Variants in ZAN observed in about 807,000 individuals in gnomAD.
ZAN encodes zonadhesin (gene/pseudogene).
In ZAN, 260 loss-of-function variants were observed where a neutral mutation model predicts 286.2. The ratio of observed to expected loss-of-function variants is 0.91; its 90% CI spans 0.82 to 1.01. The LOEUF is 1.01. ZAN is among the 50% of genes least tolerant of loss of function. The pLI, the probability that ZAN is intolerant of heterozygous loss-of-function variation, is 0.00. For synonymous variants in ZAN, 1,368 were observed against 1,417.5 expected (o/e 0.97, Z 0.79); for missense variants, 3,410 against 3,639.2 (o/e 0.94, Z 1.62).
At position 100,773,822 on chromosome 7, in the gene ZAN, G is replaced by C; in HGVS notation, c.5736G>C (p.Gln1912His). 1 of 1,607,844 alleles carries C rather than the reference G, an allele frequency of 6.2e-7. No homozygotes were observed. Residue 1912 changes from glutamine (Q) to histidine (H), a missense_variant, in exon 31 of 48, where the codon CAG becomes CAC. By Grantham distance (24) the Gln-to-His change is conservative (BLOSUM62 0). Coordinates refer to ENST00000613979, the MANE Select transcript of ZAN (RefSeq NM_003386.3). ...TCFQSTCKPNQICWALDGLLH... is the reference protein window; with the variant it reads ...TCFQSTCKPNHICWALDGLLH... Reference sequence around the variant, plus strand: ...TCCAGAGCACCTGCAAACCCAACCAGATATGCTGGGCCCTGGATGGGCTGC... The same window carrying C: ...TCCAGAGCACCTGCAAACCCAACCACATATGCTGGGCCCTGGATGGGCTGC...
At chr7:100,772,742 A>G (rs1810459121) in intron 29 of ZAN, among the ~76,000 whole-genome samples, 1 of 151,566 alleles carries the variant, frequency 6.6e-6, no homozygotes, top group Non-Finnish European at 1.5e-5. Flanking sequence ...AATGGCGTGA[A>G]TCTGGGAGGT....
In ZAN at chr7:100,765,533, C is replaced by G. The variant is rs1278931239; in HGVS notation, c.4449C>G (p.His1483Gln). Residue 1483 changes from histidine to glutamine, a missense_variant, in exon 23 of 48, where the codon CAC becomes CAG. Coordinates refer to ENST00000613979, the MANE Select transcript of ZAN (RefSeq NM_003386.3). ...CIPRSQCGCL[H>Q]PAGSYFKVGE... ...CTCGCTCCCAGTGTGGGTGCCTCCA[C>G]CCTGCAGGCAGCTACTTCAAGGTGA... 6.2e-7 allele frequency: 1 copy of G among 1,607,170 alleles called. No homozygotes were observed. Among genetic ancestry groups the G allele is most frequent in the African/African-American group, 1.3e-5 (1 of 74,780 alleles).
Position 100,750,773 on chromosome 7 carries a change from A to ACTC in ZAN, c.1404_1406dup (p.Leu469dup). The ACTC allele has an allele frequency of 6.2e-7, 1 of 1,612,886 alleles. No homozygotes were observed. The highest frequency in any genetic ancestry group is 8.5e-7 in the Non-Finnish European group (1 of 1,179,384). On this transcript the variant is annotated inframe_insertion, in exon 12 of 48. Transcript: ENST00000613979. Reference sequence around the variant, plus strand: ...GCCTTGGGGAGGGTACTATGCTCGAACTCCTCCTGGGAAGTCCTGCGGGGA... The same window carrying ACTC: ...GCCTTGGGGAGGGTACTATGCTCGAACTCCTCCTCCTGGGAAGTCCTGCGGGGA...
Position 100,751,800 on chromosome 7 carries a change from C to T in ZAN, c.1695C>T (p.Ile565=). ...ETTGLTENPT[I]STKKPTVSIE... ...CTGGCCTCACAGAAAACCCTACAAT[C>T]TCCACCAAGAAACCTACAGTTTCCA... Residue 565 remains isoleucine, a synonymous_variant, in exon 14 of 48, where the codon ATC becomes ATT. Coordinates refer to ENST00000613979, the MANE Select transcript of ZAN (RefSeq NM_003386.3). 1.2e-6 allele frequency: 2 copies of T among 1,613,452 alleles called. No individual in the cohort carries two copies. The highest frequency in any genetic ancestry group is 1.1e-5 in the South Asian group (1 of 91,014).
chr7:100,773,680 T>A (rs1312401702), intron 30 of ZAN, 41 bp from the exon 31 acceptor site: 1 of 1,590,310 alleles, frequency 6.3e-7, no homozygotes, highest in Non-Finnish European at 8.6e-7. Context: ...ATCTCCCAAT[T>A]CCAACTTTCT....
chr7:100,741,121 T>C (rs1584547290), intron 7 of ZAN, among the ~76,000 whole-genome samples: 2 of 54,460 alleles, frequency 3.7e-5, no homozygotes, highest in Admixed American at 1.6e-4. Flanking sequence ...CCCCCCCACC[T>C]CCCTCCCGGA....
rs10224168 is a variant in ZAN, at chr7:100,766,751, C to T, written c.4612+85C>T. On this transcript the variant is annotated intron_variant, in intron 24 of 47. Transcript: ENST00000613979. ...TGGGTCCTGCCCAAAGCAGCTTCCCCAGACAGCTGAGTCTCCACCAGGGCC... is the reference window on the plus strand; with the variant it reads ...TGGGTCCTGCCCAAAGCAGCTTCCCTAGACAGCTGAGTCTCCACCAGGGCC... The T allele has an allele frequency of 5.1e-3, 7,531 of 1,486,494 alleles. 323 individuals are homozygous for T. The African/African-American group carries it at 0.092, about 18-fold the overall frequency. 92.1% of individuals were successfully genotyped at this position (1,486,494 alleles called of 1,614,324 possible). A position where few individuals can be genotyped will look rare whatever the true frequency, so the allele number is the denominator to read the frequency against.
At position 100,766,379 on chromosome 7, in the gene ZAN, T is replaced by C; in HGVS notation, c.4471-146T>C. The C allele has an allele frequency of 3.8e-6, 4 of 1,053,646 alleles. No individual in the cohort carries two copies. In the Admixed American group the frequency reaches 1.2e-4, roughly 32 times the overall value. 65.3% of individuals were successfully genotyped at this position (1,053,646 alleles called of 1,614,324 possible). ...ATGGATGCCAAGCTTTTGCAGCGAATCTCGGAGCTTCAGGAAGAGAGGATG... is the reference window on the plus strand; with the variant it reads ...ATGGATGCCAAGCTTTTGCAGCGAACCTCGGAGCTTCAGGAAGAGAGGATG... On this transcript the variant is annotated intron_variant, in intron 23 of 47. Coordinates refer to ENST00000613979, the MANE Select transcript of ZAN (RefSeq NM_003386.3).
Position 100,784,833 on chromosome 7 carries a change from C to A in ZAN, c.6833C>A (p.Pro2278His). The change falls in exon 36 of 48, where the codon CCT becomes CAT. Residue 2278 changes from proline to histidine, a missense_variant and splice_region_variant. Around this residue, in one of 7 missense-constraint regions of ZAN, gnomAD observed 1,289 missense variants for 1,314.3 expected, o/e 0.98. Coordinates refer to ENST00000613979, the MANE Select transcript of ZAN (RefSeq NM_003386.3). ...AAGGATGCCCATGGTGGCTCCATCC[C>A]TGTGAGTGGGCATGGGAAATGGGAC... Reference protein sequence around the residue: ...GCKDAHGGSIPLGKSWVSSGC... With the variant: ...GCKDAHGGSIHLGKSWVSSGC... 6.3e-7 allele frequency: 1 copy of A among 1,588,594 alleles called. No individual in the cohort carries two copies. The highest frequency in any genetic ancestry group is 8.6e-7 in the Non-Finnish European group (1 of 1,164,798).
In ZAN at chr7:100,752,218, A is replaced by G; in HGVS notation, c.2113A>G (p.Ile705Val). ...KPTISMEETI[I>V]STEKPTISPE... ...CACCATCTCCATGGAAGAGACTATC[A>G]TCTCCACAGAAAAACCCACCATCTC... The change falls in exon 14 of 48, where the codon ATC becomes GTC. Residue 705 changes from isoleucine (I) to valine (V), a missense_variant. By Grantham distance (29) the Ile-to-Val change is conservative (BLOSUM62 3). Coordinates refer to ENST00000613979, the MANE Select transcript of ZAN (RefSeq NM_003386.3). The G allele has an allele frequency of 1.9e-6, 3 of 1,611,374 alleles. No individual in the cohort carries two copies. The highest frequency in any genetic ancestry group is 2.5e-6 in the Non-Finnish European group (3 of 1,179,368).
rs370536555 is a variant in ZAN, at chr7:100,788,097, C to T, written c.7188C>T (p.Tyr2396=). 1.2e-5 allele frequency: 19 copies of T among 1,562,490 alleles called. No homozygotes were observed. Among genetic ancestry groups the T allele is most frequent in the South Asian group, 9.6e-5 (8 of 83,658 alleles). Residue 2396 remains tyrosine (Y), a synonymous_variant, in exon 38 of 48, where the codon TAC becomes TAT. Transcript: ENST00000613979. ...TGCAGGAAGTGATTACCACCGTCTA[C>T]GGCTATAAAGTGCAGCTCCAAGCTG... ...IFLQEVITTV[Y]GYKVQLQAGL...
rs377057276 is a variant in ZAN, at chr7:100,765,560, C to T, written c.4470+6C>T. 1.2e-5 allele frequency: 19 copies of T among 1,592,504 alleles called. No homozygotes were observed. The highest frequency in any genetic ancestry group is 8.1e-5 in the African/African-American group (6 of 74,402). On this transcript the variant is annotated splice_donor_region_variant and intron_variant, in intron 23 of 47. Transcript: ENST00000613979. ...CTGCAGGCAGCTACTTCAAGGTGAG[C>T]GGCTGCGTGGACCTCTCAGCCCTGC... is the stretch of plus-strand genomic sequence containing the variant.
chr7:100,746,822 A>G (rs1808254331), intron 8 of ZAN, 120 bp downstream of exon 8: 3 of 1,219,520 alleles, frequency 2.5e-6, no homozygotes, highest in Non-Finnish European at 3.4e-6. Context: ...GTGCGAGACT[A>G]TTCCATGAAG....
At chr7:100,792,909 C>G (rs1812082331) in intron 42 of ZAN, among the ~76,000 whole-genome samples, 1 of 147,544 alleles carries the variant, frequency 6.8e-6, no homozygotes, top group Admixed American at 6.9e-5. Flanking sequence ...CCCAGGAGTT[C>G]CAGCCAGGCT....
At chr7:100,788,169 G>A in intron 38 of ZAN, 33 bp downstream of exon 38, 7 of 1,444,878 alleles carry the variant, frequency 4.8e-6, no homozygotes, top group Non-Finnish European at 6.4e-6. Context: ...GTGGGTGTGG[G>A]GAGGCAGCTG....
At chr7:100,750,952 G>T in intron 12 of ZAN, 56 bp downstream of exon 12, 1 of 1,511,256 alleles carries the variant, frequency 6.6e-7, no homozygotes, top group Non-Finnish European at 8.8e-7. Context: ...CAATGCCTGG[G>T]ATCTGGGGGC....
intron 45 of ZAN, 111 bp downstream of exon 45, chr7:100,795,447 TTA>T: frequency 9.1e-7 from 1 of 1,094,054 alleles, no homozygotes; most frequent in East Asian, 3.4e-5. Context: ...TATTATAATA[TTA>T]TGTTACAGAT....
In ZAN at chr7:100,771,869, G is replaced by A. The variant is rs1486109322; in HGVS notation, c.5274G>A (p.Val1758=). 6.2e-7 allele frequency: 1 copy of A among 1,612,722 alleles called. No homozygotes were observed. Among genetic ancestry groups the A allele is most frequent in the Non-Finnish European group, 8.5e-7 (1 of 1,179,520 alleles). ...PQGPFSQCHQ[V]VPPQSSFASC... is the part of the protein sequence containing the mutation. ...GACCCTTCTCTCAATGTCACCAGGT[G>A]GTGCCTCCCCAGTCCAGCTTTGCCA... Residue 1758 remains valine, a synonymous_variant, in exon 29 of 48, where the codon GTG becomes GTA. Coordinates refer to ENST00000613979, the MANE Select transcript of ZAN (RefSeq NM_003386.3).
rs753381805 is a variant in ZAN at position 100,789,233 on chromosome 7, A to C, written c.7243A>C (p.Met2415Leu). Residue 2415 changes from methionine to leucine, a missense_variant, in exon 39 of 48, where the codon ATG (methionine) becomes CTG (leucine). Coordinates refer to ENST00000613979, the MANE Select transcript of ZAN (RefSeq NM_003386.3). ...GLELVVNNQK[M>L]AVPYRPNEHL... ...CCCTCTTTAGGTCAACAACCAGAAG[A>C]TGGCCGTCCCCTACAGGCCAAATGA... 6.2e-6 allele frequency: 10 copies of C among 1,613,500 alleles called. No homozygotes were observed. The highest frequency in any genetic ancestry group is 8.5e-6 in the Non-Finnish European group (10 of 1,179,782).
Sources: allele counts gnomAD v4.1 joint callset (sites outside exome capture counted in the v4.1 genomes callset), GRCh38; gene constraint gnomAD v4.1.1; regional missense constraint gnomAD v4.1.1; transcripts MANE v1.5; gene names NCBI Gene and HGNC (gene_info 2026-07-23, HGNC 2026-07-21).